KIRREL3: variants seen among roughly 807,000 people sequenced by gnomAD.
KIRREL3 encodes the protein kirre like nephrin family adhesion molecule 3, also known as kin of IRRE-like protein 3.
A neutral mutation model predicts 89.7 loss-of-function variants in KIRREL3; 36 were observed. The ratio of observed to expected loss-of-function variants is 0.40; its 90% CI spans 0.31 to 0.53. The LOEUF (loss-of-function observed/expected upper bound fraction) is 0.53. Ranked by LOEUF, KIRREL3 falls within the 20% of genes least tolerant of loss-of-function variation. KIRREL3 has a pLI of 0.49. For synonymous variants in KIRREL3, 445 were observed against 441.4 expected (o/e 1.01, Z -0.10); for missense variants, 864 against 1,056.6 (o/e 0.82, Z 2.53).
rs1946458941 is a variant in KIRREL3 at position 126,903,621 on chromosome 11, G to A, written c.55+96834C>T. Reference sequence around the variant, plus strand: ...CCTAAGTGGAAACAAAAAAGCTGTAGCCTCTTTGCTGAGCTCCTGGAGACA... The same window carrying A: ...CCTAAGTGGAAACAAAAAAGCTGTAACCTCTTTGCTGAGCTCCTGGAGACA... On this transcript the variant is annotated intron_variant, in intron 1 of 16. Transcript: ENST00000525144. The surrounding 1 kb of genome is among the most constrained non-coding windows in gnomAD (Gnocchi z 4.5). Among the ~76,000 whole-genome samples the A allele has an allele frequency of 6.6e-6, 1 of 152,182 alleles. No homozygotes were observed. Among genetic ancestry groups the A allele is most frequent in the African/African-American group, 2.4e-5 (1 of 41,446 alleles).
At chr11:126,549,959 C>A (rs1220697137) in intron 2 of KIRREL3, 2 of 152,200 alleles carry the variant, frequency 1.3e-5, no homozygotes, top group Non-Finnish European at 2.9e-5. Context: ...TCTCCAGAAG[C>A]CATGCTGGAC....
intron 1 of KIRREL3, among the ~76,000 whole-genome samples, chr11:126,838,419 A>T (rs1331130581): frequency 6.6e-6 from 1 of 152,244 alleles, no homozygotes; most frequent in East Asian, 1.9e-4. Context: ...GGAAAAAGAA[A>T]TCTCTGCCAT....
In KIRREL3 at chr11:126,900,223, T is replaced by C; in HGVS notation, c.55+100232A>G. ...TAGCAAGTCACCTACTACTAGAACA[T>C]CGGCCCTTCAGTTTTGGATCACTTG... On this transcript the variant is annotated intron_variant, in intron 1 of 16. Coordinates refer to ENST00000525144, the MANE Select transcript of KIRREL3 (RefSeq NM_032531.4). This position sits in a 1 kb window ranked among gnomAD's most constrained non-coding sequence, Gnocchi z 4.4. Among the ~76,000 whole-genome samples, 1 of 152,170 alleles carries C rather than the reference T, an allele frequency of 6.6e-6. No individual in the cohort carries two copies.
At chr11:126,500,133 T>C (rs1303265416) in intron 4 of KIRREL3, among the ~76,000 whole-genome samples, 3 of 152,218 alleles carry the variant, frequency 2.0e-5, no homozygotes, top group African/African-American at 7.2e-5. Flanking sequence ...TCCTTGAACC[T>C]GTCTTTATTA....
In KIRREL3 at chr11:126,754,573, G is replaced by A. The variant is rs1406996847; in HGVS notation, c.56-191661C>T. Among the ~76,000 whole-genome samples the A allele has an allele frequency of 2.0e-5, 3 of 151,968 alleles. No homozygotes were observed. The highest frequency in any genetic ancestry group is 4.4e-5 in the Non-Finnish European group (3 of 67,998). On this transcript the variant is annotated intron_variant, in intron 1 of 16. Transcript: ENST00000525144. This position sits in a 1 kb window ranked among gnomAD's most constrained non-coding sequence, Gnocchi z 5.1. Reference sequence around the variant, plus strand: ...GATACCGCTGAAGGGGATCGTCTGCGAAGAAAGAATAGAGATACGAGATAA... The same window carrying A: ...GATACCGCTGAAGGGGATCGTCTGCAAAGAAAGAATAGAGATACGAGATAA...
Position 126,796,611 on chromosome 11 carries a change from C to T in KIRREL3, c.55+203844G>A, listed in dbSNP as rs1472772770. Among the ~76,000 whole-genome samples, 1 of 151,824 alleles carries T rather than the reference C, an allele frequency of 6.6e-6. No homozygotes were observed. The highest frequency in any genetic ancestry group is 2.1e-4 in the South Asian group (1 of 4,766). On this transcript the variant is annotated intron_variant, in intron 1 of 16. Transcript: ENST00000525144. This position sits in a 1 kb window ranked among gnomAD's most constrained non-coding sequence, Gnocchi z 5.1. ...GCACTAGAAATGTTGGCACAAGTGC[C>T]CTCTTATGTTAAGCATTGCCCCCAA...
rs1328379279 is a variant in KIRREL3, at chr11:126,682,180, A to C, written c.56-119268T>G. The C allele has an allele frequency of 3.5e-6, 1 of 285,982 alleles. No homozygotes were observed. The highest frequency in any genetic ancestry group is 2.2e-5 in the African/African-American group (1 of 45,742). 17.7% of individuals were successfully genotyped at this position (285,982 alleles called of 1,614,324 possible). ...CAGAGCTGCTGTGGAGTGTGTGCAC[A>C]GATTCTGTGTACTAGGTCTGTGGGC... On this transcript the variant is annotated intron_variant, in intron 1 of 16. Coordinates refer to ENST00000525144, the MANE Select transcript of KIRREL3 (RefSeq NM_032531.4). The surrounding 1 kb of genome is among the most constrained non-coding windows in gnomAD (Gnocchi z 4.8).
At chr11:126,923,090 CTT>C (rs1947421212) in intron 1 of KIRREL3, among the ~76,000 whole-genome samples, 1 of 122,472 alleles carries the variant, frequency 8.2e-6, no homozygotes, top group African/African-American at 3.8e-5. Context: ...TGTGGATCTT[CTT>C]CTTCTTCTTC....
At chr11:126,926,740 A>G (rs575586980) in intron 1 of KIRREL3, among the ~76,000 whole-genome samples, 103 of 152,338 alleles carry the variant, frequency 6.8e-4, no homozygotes, top group Middle Eastern at 6.8e-3. Context: ...GCCAAGCAGC[A>G]TGGAAACCTC....
At chr11:126,806,493 T>A (rs1951207943) in intron 1 of KIRREL3, among the ~76,000 whole-genome samples, 2 of 152,136 alleles carry the variant, frequency 1.3e-5, no homozygotes, top group African/African-American at 4.8e-5. Context: ...AAGTCCTTCC[T>A]GCAGCTAGAT....
intron 1 of KIRREL3, among the ~76,000 whole-genome samples, chr11:126,864,489 T>C (rs749300184): frequency 1.3e-5 from 2 of 152,188 alleles, no homozygotes; most frequent in Non-Finnish European, 2.9e-5. Flanking sequence ...GTTCTGGAAT[T>C]CTTATTCCCT....
At position 126,641,915 on chromosome 11, in the gene KIRREL3, C is replaced by A. The variant is rs1039410261; in HGVS notation, c.56-79003G>T. On this transcript the variant is annotated intron_variant, in intron 1 of 16. Coordinates refer to ENST00000525144, the MANE Select transcript of KIRREL3 (RefSeq NM_032531.4). This position sits in a 1 kb window ranked among gnomAD's most constrained non-coding sequence, Gnocchi z 5.0. Reference sequence around the variant, plus strand: ...CTTCCACTCTTTCTCAGGTCAGGAACGTGTCAATTCTGCAACTTCAAGTGG... The same window carrying A: ...CTTCCACTCTTTCTCAGGTCAGGAAAGTGTCAATTCTGCAACTTCAAGTGG... Among the ~76,000 whole-genome samples the A allele has an allele frequency of 6.6e-6, 1 of 152,188 alleles. No individual in the cohort carries two copies. The highest frequency in any genetic ancestry group is 1.9e-4 in the East Asian group (1 of 5,206).
intron 1 of KIRREL3, among the ~76,000 whole-genome samples, chr11:126,845,320 T>C (rs544235790): frequency 2.6e-5 from 4 of 152,316 alleles, no homozygotes; most frequent in African/African-American, 9.6e-5. Flanking sequence ...AAGAACTTCT[T>C]ACCAATCAGA....
At chr11:126,597,221 G>A (rs990585073) in intron 1 of KIRREL3, among the ~76,000 whole-genome samples, 4 of 152,180 alleles carry the variant, frequency 2.6e-5, no homozygotes, top group Non-Finnish European at 5.9e-5. Context: ...GAGCAGCCTC[G>A]CTGGTCCTGG....
Position 126,796,190 on chromosome 11 carries a change from TAA to T in KIRREL3, c.55+204263_55+204264del, listed in dbSNP as rs563228841. ...AGAGGTCATGAAGGGAAGAAGGGGT[TAA>T]AAAAAAAAAAGGCAAGACACAACAT... On this transcript the variant is annotated intron_variant, in intron 1 of 16. Coordinates refer to ENST00000525144, the MANE Select transcript of KIRREL3 (RefSeq NM_032531.4). The surrounding 1 kb of genome is among the most constrained non-coding windows in gnomAD (Gnocchi z 5.1). Among the ~76,000 whole-genome samples the T allele has an allele frequency of 9.1e-5, 13 of 142,212 alleles. No homozygotes were observed. The highest frequency in any genetic ancestry group is 1.4e-4 in the Admixed American group (2 of 14,226). 93.3% of individuals were successfully genotyped at this position (142,212 alleles called of 152,430 possible).
At position 126,750,373 on chromosome 11, in the gene KIRREL3, C is replaced by A. The variant is rs946211750; in HGVS notation, c.56-187461G>T. Reference sequence around the variant, plus strand: ...GTTGTAAATATGTTTGATGCTCCTACGTGTGGGTGCTCGAAGCCCACAGTG... The same window carrying A: ...GTTGTAAATATGTTTGATGCTCCTAAGTGTGGGTGCTCGAAGCCCACAGTG... On this transcript the variant is annotated intron_variant, in intron 1 of 16. Coordinates refer to ENST00000525144, the MANE Select transcript of KIRREL3 (RefSeq NM_032531.4). The surrounding 1 kb of genome is among the most constrained non-coding windows in gnomAD (Gnocchi z 4.2). Among the ~76,000 whole-genome samples, 2 of 152,194 alleles carry A rather than the reference C, an allele frequency of 1.3e-5. No homozygotes were observed. The highest frequency in any genetic ancestry group is 4.8e-5 in the African/African-American group (2 of 41,454).
chr11:126,546,633 TATGG>T (rs931760093), intron 2 of KIRREL3, among the ~76,000 whole-genome samples: 2 of 152,206 alleles, frequency 1.3e-5, no homozygotes, highest in African/African-American at 4.8e-5. Flanking sequence ...ACATCATAAA[TATGG>T]ATGAAGACTA....
At chr11:126,838,145 T>A (rs910868054) in intron 1 of KIRREL3, among the ~76,000 whole-genome samples, 3 of 152,172 alleles carry the variant, frequency 2.0e-5, no homozygotes, top group Admixed American at 2.0e-4. Context: ...GGGAAAGGAT[T>A]GTTAATATAA....
intron 11 of KIRREL3, among the ~76,000 whole-genome samples, chr11:126,437,829 A>T (rs546437921): frequency 6.6e-6 from 1 of 152,166 alleles, no homozygotes; most frequent in Non-Finnish European, 1.5e-5. Flanking sequence ...ACTGCAACAC[A>T]TACACACATT....
Sources: gnomAD v4.1 joint callset for allele counts (sites outside exome capture counted in the v4.1 genomes callset) on GRCh38, gnomAD v4.1.1 for gene constraint, Gnocchi (gnomAD v3.1) non-coding constraint, MANE v1.5 for transcripts, NCBI Gene and HGNC (gene_info 2026-07-23, HGNC 2026-07-21) for gene names.